NEGR1: variants seen among roughly 807,000 people sequenced by gnomAD.
NEGR1 encodes neuronal growth regulator 1.
A neutral mutation model predicts 40.9 loss-of-function variants in NEGR1; 10 were observed. The observed-to-expected ratio is 0.24, with a 90% CI of 0.15 to 0.42. The LOEUF is 0.42. Ranked by LOEUF, NEGR1 falls within the 10% of genes least tolerant of loss-of-function variation. NEGR1 has a pLI of 1.00. For missense variants in NEGR1, 352 were observed against 438.9 expected, an observed-to-expected ratio of 0.80 and a Z score of 1.77; for synonymous variants, 185 against 166.8, an observed-to-expected ratio of 1.11 and a Z score of -0.84.
At chr1:72,244,202 T>C (rs1654833136) in intron 1 of NEGR1, among the ~76,000 whole-genome samples, 1 of 151,870 alleles carries the variant, frequency 6.6e-6, no homozygotes, top group African/African-American at 2.4e-5. Context: ...TAGGCTGCTA[T>C]TAATGCCTTA....
In NEGR1 at chr1:72,080,058, C is replaced by G. The variant is rs1053984340; in HGVS notation, c.177-144747G>C. Among the ~76,000 whole-genome samples the G allele has an allele frequency of 5.9e-5, 9 of 152,060 alleles. No individual in the cohort carries two copies. In the East Asian group the frequency reaches 1.5e-3, roughly 26 times the overall value. ...CCCTTGAAATACTTTATTTAGCAGC[C>G]TAACATTAAAAGGGCTTCCTTTTTT... On this transcript the variant is annotated intron_variant, in intron 1 of 6. Transcript: ENST00000357731.
chr1:71,494,744 A>G (rs1046911946), intron 6 of NEGR1, among the ~76,000 whole-genome samples: 56 of 152,124 alleles, frequency 3.7e-4, no homozygotes, highest in Admixed American at 1.9e-3. Flanking sequence ...AACTCACCAC[A>G]CAGACCCACT....
At chr1:71,437,522 T>TA (rs146967577) in intron 6 of NEGR1, among the ~76,000 whole-genome samples, 15 of 151,022 alleles carry the variant, frequency 9.9e-5, no homozygotes, top group East Asian at 5.8e-4. Flanking sequence ...TTAATGGTGC[T>TA]AAAAAAAAAG....
At chr1:71,697,118 A>T (rs1653501657) in intron 4 of NEGR1, among the ~76,000 whole-genome samples, 1 of 151,806 alleles carries the variant, frequency 6.6e-6, no homozygotes, top group Non-Finnish European at 1.5e-5. Context: ...ACATTTCTGG[A>T]TATATTTGGA....
chr1:72,266,485 A>G (rs1364370829), intron 1 of NEGR1, among the ~76,000 whole-genome samples: 2 of 150,914 alleles, frequency 1.3e-5, no homozygotes, highest in Non-Finnish European at 3.0e-5. Context: ...AAGGCAATTA[A>G]GGTAACAGCA....
intron 2 of NEGR1, among the ~76,000 whole-genome samples, chr1:71,880,204 A>C (rs1660544283): frequency 6.6e-6 from 1 of 152,076 alleles, no homozygotes; most frequent in African/African-American, 2.4e-5. Context: ...GGTTTTTCAC[A>C]ATAAAAAATA....
chr1:71,754,100 A>G (rs1225948185), intron 3 of NEGR1, among the ~76,000 whole-genome samples: 1 of 151,904 alleles, frequency 6.6e-6, no homozygotes, highest in Admixed American at 6.5e-5. Flanking sequence ...GTTTCCTGAA[A>G]GAGCTGCCAC....
chr1:72,200,832 A>G (rs776324572), intron 1 of NEGR1, among the ~76,000 whole-genome samples: 18 of 152,050 alleles, frequency 1.2e-4, no homozygotes, highest in Middle Eastern at 6.8e-3. Flanking sequence ...TAACTTTTCA[A>G]TAAAGAATGT....
intron 6 of NEGR1, among the ~76,000 whole-genome samples, chr1:71,553,121 A>G (rs545052278): frequency 6.6e-6 from 1 of 151,614 alleles, no homozygotes; most frequent in African/African-American, 2.4e-5. Context: ...TCTGCTGAGT[A>G]TATACTTTCT....
intron 1 of NEGR1, among the ~76,000 whole-genome samples, chr1:72,021,961 C>T (rs1646761695): frequency 6.6e-6 from 1 of 151,852 alleles, no homozygotes; most frequent in Admixed American, 6.6e-5. Flanking sequence ...TGGTGAAATC[C>T]CGTCTCTACT....
chr1:71,417,231 T>A (rs1053041961), intron 6 of NEGR1, among the ~76,000 whole-genome samples: 1 of 152,206 alleles, frequency 6.6e-6, no homozygotes, highest in Non-Finnish European at 1.5e-5. Flanking sequence ...CTCTGTAGGA[T>A]CATATTTAAT....
intron 1 of NEGR1, among the ~76,000 whole-genome samples, chr1:71,963,176 C>T (rs1646180919): frequency 6.6e-6 from 1 of 151,900 alleles, no homozygotes; most frequent in Non-Finnish European, 1.5e-5. Context: ...TATAATACAC[C>T]TGGACATTTT....
chr1:72,202,776 G>C (rs1339911187), intron 1 of NEGR1, among the ~76,000 whole-genome samples: 1 of 151,998 alleles, frequency 6.6e-6, no homozygotes. Flanking sequence ...TGTTAGCTTG[G>C]TGGCTAATGC....
chr1:71,455,446 G>T (rs1374740716), intron 6 of NEGR1, among the ~76,000 whole-genome samples: 1 of 152,208 alleles, frequency 6.6e-6, no homozygotes, highest in Non-Finnish European at 1.5e-5. Flanking sequence ...CTTTTGACTG[G>T]CCAGGCACAG....
At chr1:71,613,990 C>T (rs1650358648) in intron 4 of NEGR1, among the ~76,000 whole-genome samples, 1 of 151,998 alleles carries the variant, frequency 6.6e-6, no homozygotes, top group East Asian at 1.9e-4. Context: ...GGAACATTGC[C>T]TTTCAACTAA....
At chr1:71,853,666 G>A (rs111931242) in intron 2 of NEGR1, among the ~76,000 whole-genome samples, 2,319 of 152,166 alleles carry the variant, frequency 0.015, 53 homozygotes, top group South Asian at 0.1. Context: ...ATCCTTCTGT[G>A]CCTATGAATT....
At chr1:71,654,061 G>A (rs1225300892) in intron 4 of NEGR1, among the ~76,000 whole-genome samples, 2 of 152,078 alleles carry the variant, frequency 1.3e-5, no homozygotes, top group Admixed American at 6.6e-5. Context: ...GAACCTTCAA[G>A]TCATATTGAT....
intron 1 of NEGR1, among the ~76,000 whole-genome samples, chr1:72,241,326 G>A (rs1654736245): frequency 6.6e-6 from 1 of 151,072 alleles, no homozygotes; most frequent in African/African-American, 2.4e-5. Flanking sequence ...ATATTCAGAA[G>A]GGTCCAGATT....
chr1:71,748,667 C>T (rs2101684735), intron 3 of NEGR1, among the ~76,000 whole-genome samples: 1 of 152,072 alleles, frequency 6.6e-6, no homozygotes, highest in East Asian at 1.9e-4. Context: ...TTTATTTCTG[C>T]CTTTTAAAAA....
Sources: gnomAD v4.1 joint callset for allele counts (sites outside exome capture counted in the v4.1 genomes callset) on GRCh38, gnomAD v4.1.1 for gene constraint, MANE v1.5 for transcripts, NCBI Gene and HGNC (gene_info 2026-07-23, HGNC 2026-07-21) for gene names.